Variants in GARIN5B observed in about 807,000 individuals in gnomAD.
The protein encoded by GARIN5B is golgi associated RAB2 interactor family member 5B.
the GARIN5B span, chr19:55,358,782 G>C: frequency 1.3e-6 from 2 of 1,548,672 alleles, no homozygotes; most frequent in African/African-American, 1.4e-5. Flanking sequence ...GTGAGGGTGA[G>C]CGCTTCCACA....
At chr19:55,359,363 G>A in the GARIN5B span, 3 of 1,500,096 alleles carry the variant, frequency 2.0e-6, no homozygotes, top group Non-Finnish European at 1.8e-6. Context: ...TGGGGGTGGG[G>A]TCTTCTGGGG....
the GARIN5B span, chr19:55,359,975 C>A: frequency 1.3e-6 from 2 of 1,545,340 alleles, no homozygotes. Flanking sequence ...TGCAGATGTG[C>A]AGGCCTGTAG....
chr19:55,359,006 T>G, the GARIN5B span: 5 of 1,551,068 alleles, frequency 3.2e-6, no homozygotes, highest in Non-Finnish European at 4.4e-6. Context: ...CAGGATGTCC[T>G]TGGACTCCTT....
chr19:55,356,880 G>A, the GARIN5B span, among the ~76,000 whole-genome samples: 2 of 151,892 alleles, frequency 1.3e-5, no homozygotes, highest in South Asian at 2.1e-4. Flanking sequence ...GTGAAACTCC[G>A]TCTCCACTAA....
the GARIN5B span, chr19:55,354,970 C>T: frequency 6.1e-6 from 1 of 164,990 alleles, no homozygotes; most frequent in Non-Finnish European, 1.3e-5. Flanking sequence ...TCGCCCCCGC[C>T]CCCCCCCGCC....
chr19:55,355,411 G>T, the GARIN5B span: 1 of 1,496,314 alleles, frequency 6.7e-7, no homozygotes, highest in South Asian at 1.2e-5. Context: ...GGTACCCAGG[G>T]CTTTAAGAGC....
At chr19:55,359,848 C>A in the GARIN5B span, 1 of 1,551,518 alleles carries the variant, frequency 6.4e-7, no homozygotes, top group Non-Finnish European at 8.7e-7. Flanking sequence ...TGTCCTGATG[C>A]CACAGGCACG....
chr19:55,362,398 G>A, the GARIN5B span: 4 of 1,550,610 alleles, frequency 2.6e-6, no homozygotes, highest in Non-Finnish European at 3.5e-6. Flanking sequence ...CGTTGTCAGG[G>A]GCGTCCAGGG....
chr19:55,358,531 T>C, the GARIN5B span: 3 of 34,158 alleles, frequency 8.8e-5, no homozygotes, highest in African/African-American at 5.1e-4. Flanking sequence ...TCTCGCCCCA[T>C]GGCTGCTCCT....
At chr19:55,362,720 C>A in the GARIN5B span, 1 of 1,533,878 alleles carries the variant, frequency 6.5e-7, no homozygotes. Context: ...ACTGGGCCCC[C>A]TTGATGGGTC....
the GARIN5B span, chr19:55,359,789 G>A: frequency 6.4e-7 from 1 of 1,551,410 alleles, no homozygotes; most frequent in Non-Finnish European, 8.7e-7. Context: ...AGCCAGACCG[G>A]AGGCAGCAGA....
the GARIN5B span, among the ~76,000 whole-genome samples, chr19:55,355,549 G>A: frequency 6.6e-6 from 1 of 152,110 alleles, no homozygotes; most frequent in Admixed American, 6.5e-5. Context: ...CGGAATCAAT[G>A]AGTCTTGGCT....
the GARIN5B span, among the ~76,000 whole-genome samples, chr19:55,361,637 GTCC>G: frequency 1.5e-5 from 1 of 66,688 alleles, no homozygotes; most frequent in African/African-American, 3.5e-5. Flanking sequence ...AGACCCAGGA[GTCC>G]AGGGCCCCAG....
chr19:55,361,047 C>A, the GARIN5B span: 1 of 1,550,964 alleles, frequency 6.4e-7, no homozygotes, highest in East Asian at 2.4e-5. Flanking sequence ...CCAGCTGCGA[C>A]CAGATGAGGG....
chr19:55,362,947 C>G, the GARIN5B span: 4 of 1,503,556 alleles, frequency 2.7e-6, no homozygotes, highest in Non-Finnish European at 3.6e-6. Flanking sequence ...ACATGGGCAG[C>G]GGACGGAGGG....
At chr19:55,360,705 CTG>C in the GARIN5B span, 2 of 1,551,602 alleles carry the variant, frequency 1.3e-6, no homozygotes, top group Non-Finnish European at 1.7e-6. Context: ...TTGGAGAGGA[CTG>C]TGTCTGGTTG....
the GARIN5B span, chr19:55,358,468 G>C: frequency 6.5e-7 from 1 of 1,531,624 alleles, no homozygotes; most frequent in East Asian, 2.5e-5. Flanking sequence ...AGGTGGGCTT[G>C]GAGCGAAAGG....
At chr19:55,362,929 A>G in the GARIN5B span, 1 of 1,501,634 alleles carries the variant, frequency 6.7e-7, no homozygotes, top group Admixed American at 2.4e-5. Context: ...GAACAAAGTT[A>G]CTCTCGAACA....
the GARIN5B span, chr19:55,363,031 C>T: frequency 9.4e-6 from 14 of 1,494,688 alleles, no homozygotes; most frequent in South Asian, 2.7e-5. The surrounding 1 kb of genome is among the most constrained non-coding windows in gnomAD (Gnocchi z 4.0). Flanking sequence ...TGCCCTGGAG[C>T]GGCTCAAGGC....
Sources: gnomAD v4.1 joint callset for allele counts (sites outside exome capture counted in the v4.1 genomes callset) on GRCh38, gnomAD v4.1.1 for gene constraint, Gnocchi (gnomAD v3.1) non-coding constraint, MANE v1.5 for transcripts, NCBI Gene and HGNC (gene_info 2026-07-23, HGNC 2026-07-21) for gene names.